CPEB3: variants seen among roughly 807,000 people sequenced by gnomAD.
CPEB3 encodes cytoplasmic polyadenylation element binding protein 3, also known as cytoplasmic polyadenylation element-binding protein 3.
A neutral mutation model predicts 67.2 loss-of-function variants in CPEB3; 20 were observed. That is an observed-to-expected ratio of 0.30 (90% CI 0.21 to 0.43). CPEB3 has a LOEUF of 0.43. Among genes scored for constraint, CPEB3 ranks in the 20% least tolerant of loss-of-function variants. CPEB3 has a pLI of 1.00. For synonymous variants in CPEB3, 376 were observed against 393.1 expected (o/e 0.96, Z 0.51); for missense variants, 746 against 968.6 (o/e 0.77, Z 3.05).
intron 2 of CPEB3, among the ~76,000 whole-genome samples, chr10:92,214,762 A>G (rs141964869): frequency 0.017 from 2,592 of 152,202 alleles, 44 homozygotes; most frequent in Non-Finnish European, 0.022. Context: ...CTGGGATTAC[A>G]TGCATGAGCC....
intron 9 of CPEB3, among the ~76,000 whole-genome samples, chr10:92,066,675 A>AAT (rs1483587442): frequency 1.3e-5 from 2 of 152,194 alleles, no homozygotes; most frequent in South Asian, 4.1e-4. Context: ...AACCTCATTA[A>AAT]TATTCCCACT....
intron 1 of CPEB3, among the ~76,000 whole-genome samples, chr10:92,249,522 C>T (rs1329766008): frequency 1.3e-5 from 2 of 151,988 alleles, no homozygotes; most frequent in Non-Finnish European, 2.9e-5. Flanking sequence ...GTGGTGCATG[C>T]CTGTAATCGC....
At chr10:92,275,404 C>A (rs901786964) in intron 1 of CPEB3, among the ~76,000 whole-genome samples, 5 of 152,164 alleles carry the variant, frequency 3.3e-5, no homozygotes, top group Non-Finnish European at 7.3e-5. Context: ...GGCAACTTTT[C>A]ATTACTGGCC....
At chr10:92,179,918 C>T (rs985054973) in intron 4 of CPEB3, among the ~76,000 whole-genome samples, 3 of 152,186 alleles carry the variant, frequency 2.0e-5, no homozygotes, top group Non-Finnish European at 2.9e-5. Context: ...ATATTGTACA[C>T]AACCCTAGAT....
intron 4 of CPEB3, among the ~76,000 whole-genome samples, chr10:92,163,356 C>A (rs973803118): frequency 5.9e-4 from 90 of 152,206 alleles, no homozygotes; most frequent in African/African-American, 2.0e-3. Context: ...ATCGCTTGAA[C>A]CCGGGAGGCG....
chr10:92,272,892 A>T (rs1035833213), intron 1 of CPEB3, among the ~76,000 whole-genome samples: 1 of 152,200 alleles, frequency 6.6e-6, no homozygotes, highest in South Asian at 2.1e-4. Context: ...AGCAGAGTGG[A>T]CTGGAGAGGC....
rs747197654 is a variant in CPEB3, at chr10:92,052,287, G to A, written c.2022C>T (p.Ala674=). The change falls in exon 10 of 10, where the codon GCC becomes GCT. Residue 674 remains alanine, a synonymous_variant. Coordinates refer to ENST00000265997, the MANE Select transcript of CPEB3 (RefSeq NM_014912.5). ...EYCWASIHSR[A]GREFHKPLVK... is the part of the protein sequence containing the mutation. Reference sequence around the variant, plus strand: ...CCAGCGGTTTGTGGAACTCCCGCCCGGCTCGGGAATGTATGCTCGCCCAGC... The same window carrying A: ...CCAGCGGTTTGTGGAACTCCCGCCCAGCTCGGGAATGTATGCTCGCCCAGC... 31 of 1,614,120 alleles carry A rather than the reference G, an allele frequency of 1.9e-5. No homozygotes were observed. Among genetic ancestry groups the A allele is most frequent in the African/African-American group, 9.3e-5 (7 of 75,020 alleles).
Position 92,158,733 on chromosome 10 carries a change from G to A in CPEB3, c.1223-13648C>T, listed in dbSNP as rs1260328005. The stretch of plus-strand genomic sequence containing the variant: ...ACTGCAAAAGTAAAATGAGACTAAG[G>A]CACTGGGTCCACCTCAGGCCATGCT... On this transcript the variant is annotated intron_variant, in intron 4 of 9. Transcript: ENST00000265997. 3.3e-5 allele frequency among the ~76,000 whole-genome samples: 5 copies of A among 152,216 alleles called. No individual in the cohort carries two copies. The East Asian group carries it at 9.6e-4, about 29-fold the overall frequency.
intron 8 of CPEB3, among the ~76,000 whole-genome samples, chr10:92,086,506 ATCTT>A (rs1843380031): frequency 1.3e-5 from 2 of 152,220 alleles, no homozygotes; most frequent in South Asian, 4.1e-4. Context: ...TTAATAAAGT[ATCTT>A]TCTTTCGACC....
chr10:92,143,214 T>A (rs1846522653), intron 5 of CPEB3, 96 bp from the exon 6 acceptor site: 3 of 905,166 alleles, frequency 3.3e-6, no homozygotes, highest in Non-Finnish European at 3.4e-6. Flanking sequence ...TTTAAAAAAA[T>A]GTTTTGAGGG....
chr10:92,244,556 G>T (rs1851981439), intron 1 of CPEB3, among the ~76,000 whole-genome samples: 1 of 151,218 alleles, frequency 6.6e-6, no homozygotes, highest in Admixed American at 6.6e-5. Flanking sequence ...TCCTGCCTCA[G>T]CCTCCCAAGT....
chr10:92,178,828 G>A lies in CPEB3; in HGVS notation c.1222+2135C>T, dbSNP rs566137646. ...CAAGGTTTATCCCAGCAAATTTGTC[G>A]AAGCTGGCAGGTCCCACAAGTACCT... On this transcript the variant is annotated intron_variant, in intron 4 of 9. Coordinates refer to ENST00000265997, the MANE Select transcript of CPEB3 (RefSeq NM_014912.5). 4.6e-5 allele frequency among the ~76,000 whole-genome samples: 7 copies of A among 152,194 alleles called. No individual in the cohort carries two copies. The South Asian group carries it at 1.0e-3, about 23-fold the overall frequency.
chr10:92,178,710 A>T (rs964454223), intron 4 of CPEB3, among the ~76,000 whole-genome samples: 1 of 152,180 alleles, frequency 6.6e-6, no homozygotes, highest in Non-Finnish European at 1.5e-5. Flanking sequence ...ATTTTAAAAA[A>T]GAAGACAAAA....
At chr10:92,221,259 A>G (rs2134445324) in intron 2 of CPEB3, among the ~76,000 whole-genome samples, 1 of 152,286 alleles carries the variant, frequency 6.6e-6, no homozygotes, top group Non-Finnish European at 1.5e-5. Context: ...TTGGGAGGCC[A>G]TGGCAGGTGG....
chr10:92,286,304 G>T (rs1408483693), intron 1 of CPEB3, among the ~76,000 whole-genome samples: 3 of 151,928 alleles, frequency 2.0e-5, no homozygotes, highest in Admixed American at 6.6e-5. Context: ...GTAGCTATAG[G>T]CCAGGCACAG....
Position 92,185,976 on chromosome 10 carries a change from G to C in CPEB3, c.1166-4957C>G, listed in dbSNP as rs527642694. 3.5e-4 allele frequency among the ~76,000 whole-genome samples: 53 copies of C among 152,188 alleles called. 2 individuals carry two copies. In the South Asian group the frequency reaches 0.011, roughly 31 times the overall value. Reference sequence around the variant, plus strand: ...AGCTTAGACCTGAGGTCAAATCCTAGTTTATTCACATACTAATAGCGGGTA... The same window carrying C: ...AGCTTAGACCTGAGGTCAAATCCTACTTTATTCACATACTAATAGCGGGTA... On this transcript the variant is annotated intron_variant, in intron 3 of 9. Coordinates refer to ENST00000265997, the MANE Select transcript of CPEB3 (RefSeq NM_014912.5).
At chr10:92,283,194 T>C (rs1590618708) in intron 1 of CPEB3, among the ~76,000 whole-genome samples, 1 of 152,208 alleles carries the variant, frequency 6.6e-6, no homozygotes, top group Non-Finnish European at 1.5e-5. Flanking sequence ...AAGGCCACAG[T>C]GAGCCATGAT....
chr10:92,232,959 C>T (rs1010740416), intron 2 of CPEB3, among the ~76,000 whole-genome samples: 2 of 152,140 alleles, frequency 1.3e-5, no homozygotes, highest in Admixed American at 6.5e-5. Context: ...TTTATATTAA[C>T]GTTTCTAGTA....
intron 6 of CPEB3, among the ~76,000 whole-genome samples, chr10:92,131,248 A>G (rs1845830741): frequency 6.6e-6 from 1 of 152,298 alleles, no homozygotes; most frequent in Middle Eastern, 3.4e-3. Flanking sequence ...ACCTAACCTC[A>G]GCTATAAAAT....
Sources: allele counts gnomAD v4.1 joint callset (sites outside exome capture counted in the v4.1 genomes callset), GRCh38; gene constraint gnomAD v4.1.1; transcripts MANE v1.5; gene names NCBI Gene and HGNC (gene_info 2026-07-23, HGNC 2026-07-21).